The following ARHGAP21 variants were observed in gnomAD, a reference collection of about 807,000 sequenced individuals.
ARHGAP21 encodes rho GTPase-activating protein 21.
ARHGAP21 carries 38 observed loss-of-function variants against 164.6 expected under a neutral mutation model. The ratio of observed to expected loss-of-function variants is 0.23; its 90% CI spans 0.18 to 0.30. The LOEUF (loss-of-function observed/expected upper bound fraction) is 0.30, where lower values mean the gene tolerates loss of function less well. Among genes scored for constraint, ARHGAP21 ranks in the 10% least tolerant of loss-of-function variants. The pLI, the probability that ARHGAP21 is intolerant of heterozygous loss-of-function variation, is 1.00. For synonymous variants in ARHGAP21, 766 were observed against 857.9 expected (o/e 0.89, Z 1.87); for missense variants, 1,822 against 2,370.7 (o/e 0.77, Z 4.81).
intron 4 of ARHGAP21, among the ~76,000 whole-genome samples, chr10:24,664,362 C>A (rs969834886): frequency 6.6e-6 from 1 of 151,942 alleles, no homozygotes; most frequent in Non-Finnish European, 1.5e-5. Flanking sequence ...AGAGACCATC[C>A]TGGCCAACAT....
Position 24,616,245 on chromosome 10 carries a change from T to TA in ARHGAP21, c.2422+3227dup, listed in dbSNP as rs569569748. Among the ~76,000 whole-genome samples, 422 of 152,314 alleles carry TA rather than the reference T, an allele frequency of 2.8e-3. 2 individuals are homozygous for TA. Among genetic ancestry groups the TA allele is most frequent in the African/African-American group, 9.4e-3 (392 of 41,560 alleles). ...TCTCTTTATAAAAGATGTAAGATGA[T>TA]AAAGTATATGATTTCTCTTTATAAA... On this transcript the variant is annotated intron_variant, in intron 9 of 25. Transcript: ENST00000396432.
intron 2 of ARHGAP21, among the ~76,000 whole-genome samples, chr10:24,720,921 G>C (rs1481136925): frequency 6.6e-6 from 1 of 151,350 alleles, no homozygotes; most frequent in South Asian, 2.1e-4. Context: ...ACAAATTACA[G>C]GAACCGCCAA....
intron 25 of ARHGAP21, among the ~76,000 whole-genome samples, chr10:24,588,537 T>A (rs1327884401): frequency 6.6e-6 from 1 of 152,000 alleles, no homozygotes; most frequent in Non-Finnish European, 1.5e-5. Context: ...TCATATGGAG[T>A]CCTGTTATGA....
Position 24,591,632 on chromosome 10 carries a change from C to CAATACTTACAA in ARHGAP21, c.4043_4044+9dup. On this transcript the variant is annotated intron_variant, in intron 23 of 25. Coordinates refer to ENST00000396432, the MANE Select transcript of ARHGAP21 (RefSeq NM_020824.4). ...ACTACTGAGTACAAATGCTGACAGA[C>CAATACTTACAA]AATACTTACAAGAGGCTCTTCAGCA... 1 of 1,613,744 alleles carries CAATACTTACAA rather than the reference C, an allele frequency of 6.2e-7. No homozygotes were observed. Among genetic ancestry groups the CAATACTTACAA allele is most frequent in the Non-Finnish European group, 8.5e-7 (1 of 1,179,704 alleles).
At chr10:24,612,772 A>C (rs549280237) in intron 9 of ARHGAP21, among the ~76,000 whole-genome samples, 1 of 152,198 alleles carries the variant, frequency 6.6e-6, no homozygotes, top group South Asian at 2.1e-4. Context: ...GGAGAATGGC[A>C]TGAACCCGGG....
At chr10:24,687,027 C>A (rs1243736291) in intron 2 of ARHGAP21, among the ~76,000 whole-genome samples, 1 of 152,144 alleles carries the variant, frequency 6.6e-6, no homozygotes, top group Non-Finnish European at 1.5e-5. Flanking sequence ...ACCAACCTGG[C>A]CAACATGGTG....
chr10:24,589,459 A>G (rs2076242958), intron 24 of ARHGAP21, 157 bp from the exon 25 acceptor site: 1 of 585,286 alleles, frequency 1.7e-6, no homozygotes, highest in Non-Finnish European at 2.9e-6. Context: ...ACAAAGATGC[A>G]AGCTGCACCA....
chr10:24,658,492 T>C (rs1049430154), intron 4 of ARHGAP21, among the ~76,000 whole-genome samples: 1 of 152,232 alleles, frequency 6.6e-6, no homozygotes, highest in Non-Finnish European at 1.5e-5. Flanking sequence ...TGGAATACTA[T>C]GCAGCCATAA....
At chr10:24,613,682 T>C (rs190747416) in intron 9 of ARHGAP21, among the ~76,000 whole-genome samples, 3 of 152,192 alleles carry the variant, frequency 2.0e-5, no homozygotes, top group Admixed American at 2.0e-4. Context: ...GATGAGGGAG[T>C]GGAGTTGTAA....
rs756120393 is a variant in ARHGAP21 at position 24,589,237 on chromosome 10, C to A, written c.4182+34G>T. On this transcript the variant is annotated intron_variant, in intron 25 of 25. Transcript: ENST00000396432. ...ACAATCAGCCGAAAAACAATTCCCC[C>A]CTAAAATATTTCAAATTGTATGAAA... is the stretch of plus-strand genomic sequence containing the variant. 7 of 1,570,034 alleles carry A rather than the reference C, an allele frequency of 4.5e-6. 1 individual carries two copies. The highest frequency in any genetic ancestry group is 3.4e-5 in the Admixed American group (2 of 59,184).
At position 24,721,823 on chromosome 10, in the gene ARHGAP21, G is replaced by A; in HGVS notation, c.63+14C>T. 2 of 1,614,048 alleles carry A rather than the reference G, an allele frequency of 1.2e-6. No individual in the cohort carries two copies. Among genetic ancestry groups the A allele is most frequent in the Non-Finnish European group, 1.7e-6 (2 of 1,179,974 alleles). On this transcript the variant is annotated intron_variant, in intron 2 of 25. Transcript: ENST00000396432. ...CACCGCCCTGCCGGCCAGGAACGCT[G>A]GCTCCGCGCTTACCTCGCAGGCCTT...
chr10:24,682,640 T>G (rs1400016194), intron 2 of ARHGAP21, among the ~76,000 whole-genome samples: 1 of 152,134 alleles, frequency 6.6e-6, no homozygotes, highest in African/African-American at 2.4e-5. Flanking sequence ...TAAGTATGCT[T>G]GATAACTTCA....
At chr10:24,694,121 C>T (rs1018906590) in intron 2 of ARHGAP21, among the ~76,000 whole-genome samples, 1 of 152,224 alleles carries the variant, frequency 6.6e-6, no homozygotes. Flanking sequence ...GCCCAAATTA[C>T]ATTCCTTTGA....
At chr10:24,686,211 G>C (rs1842193916) in intron 2 of ARHGAP21, among the ~76,000 whole-genome samples, 1 of 152,082 alleles carries the variant, frequency 6.6e-6, no homozygotes, top group Admixed American at 6.6e-5. Context: ...CAAGAGGACT[G>C]CTTGAGCCCA....
chr10:24,602,699 C>CT (rs751706025), intron 12 of ARHGAP21, among the ~76,000 whole-genome samples: 9 of 152,116 alleles, frequency 5.9e-5, no homozygotes, highest in Non-Finnish European at 1.0e-4. Flanking sequence ...GGGGGAGTAA[C>CT]TGATCACCCA....
chr10:24,604,163 G>C (rs985403393), intron 12 of ARHGAP21, 149 bp downstream of exon 12: 13 of 507,752 alleles, frequency 2.6e-5, no homozygotes, highest in African/African-American at 2.4e-4. Context: ...AACTGATAAA[G>C]TCAGAAAAAT....
chr10:24,625,003 C>T (rs951251485), intron 7 of ARHGAP21, among the ~76,000 whole-genome samples: 4 of 129,266 alleles, frequency 3.1e-5, no homozygotes, highest in Non-Finnish European at 6.1e-5. Flanking sequence ...CTGAAGCCTT[C>T]CCTAACAGCC....
intron 4 of ARHGAP21, among the ~76,000 whole-genome samples, chr10:24,658,579 T>C (rs1839334688): frequency 2.6e-5 from 4 of 152,076 alleles, no homozygotes; most frequent in Admixed American, 6.6e-5. Context: ...ATCGCAAGGA[T>C]AGAAAACCAA....
Position 24,636,001 on chromosome 10 carries a change from G to A in ARHGAP21, c.269-898C>T, listed in dbSNP as rs144747795. On this transcript the variant is annotated intron_variant, in intron 4 of 25. Transcript: ENST00000396432. ...CAATCAGAGACAAATACAAAATACAGTCATGGCAATGAGGAGAGCATGATC... is the reference window on the plus strand; with the variant it reads ...CAATCAGAGACAAATACAAAATACAATCATGGCAATGAGGAGAGCATGATC... Among the ~76,000 whole-genome samples, 229 of 152,264 alleles carry A rather than the reference G, an allele frequency of 1.5e-3. 5 individuals are homozygous for A. The East Asian group carries it at 0.038, about 25-fold the overall frequency.
Sources: gnomAD v4.1 joint callset for allele counts (sites outside exome capture counted in the v4.1 genomes callset) on GRCh38, gnomAD v4.1.1 for gene constraint, MANE v1.5 for transcripts, NCBI Gene and HGNC (gene_info 2026-07-23, HGNC 2026-07-21) for gene names.